ASTN2: variants seen among roughly 807,000 people sequenced by gnomAD.
ASTN2 encodes astrotactin 2.
Under a neutral mutation model 139.8 loss-of-function variants are expected in ASTN2, and 54 were observed. The observed-to-expected ratio is 0.39, with a 90% confidence interval of 0.31 to 0.48. The LOEUF is 0.48. ASTN2 is among the 20% of genes least tolerant of loss of function. The pLI, the probability that ASTN2 is intolerant of heterozygous loss-of-function variation, is 0.95. For missense variants in ASTN2, 1,565 were observed against 1,725.1 expected (o/e 0.91, Z 1.64); for synonymous variants, 756 against 719.5 (o/e 1.05, Z -0.81).
chr9:117,299,532 G>C (rs955836462), intron 1 of ASTN2, among the ~76,000 whole-genome samples: 1 of 152,188 alleles, frequency 6.6e-6, no homozygotes, highest in African/African-American at 2.4e-5. Flanking sequence ...ATGGAGAATT[G>C]GCACAAGGGA....
intron 11 of ASTN2, among the ~76,000 whole-genome samples, chr9:116,839,000 C>T (rs1832105636): frequency 6.6e-6 from 1 of 152,200 alleles, no homozygotes; most frequent in South Asian, 2.1e-4. Context: ...TGAACAATGA[C>T]TTGTTCTCCT....
intron 11 of ASTN2, among the ~76,000 whole-genome samples, chr9:116,824,725 C>A (rs1441790980): frequency 1.3e-5 from 2 of 152,188 alleles, no homozygotes; most frequent in Non-Finnish European, 2.9e-5. Context: ...ATTTGTTACA[C>A]AGCAATAGCT....
intron 1 of ASTN2, among the ~76,000 whole-genome samples, chr9:117,308,357 C>T (rs533784060): frequency 2.6e-5 from 4 of 152,318 alleles, no homozygotes; most frequent in South Asian, 2.1e-4. Context: ...AACACACCCT[C>T]GAGGGACCTA....
intron 8 of ASTN2, 147 bp from the exon 9 acceptor site, chr9:116,976,335 T>C (rs1459495030): frequency 1.5e-6 from 1 of 661,008 alleles, no homozygotes; most frequent in Non-Finnish European, 2.6e-6. Context: ...TATAAAAGAA[T>C]GTCTCCAATT....
At chr9:116,756,856 C>A (rs1419218228) in intron 13 of ASTN2, among the ~76,000 whole-genome samples, 1 of 151,920 alleles carries the variant, frequency 6.6e-6, no homozygotes, top group African/African-American at 2.4e-5. Context: ...CTAAAGGAAA[C>A]TGAGTGGCTT....
intron 11 of ASTN2, among the ~76,000 whole-genome samples, chr9:116,834,486 T>C (rs1217722891): frequency 1.3e-5 from 2 of 152,240 alleles, no homozygotes; most frequent in Non-Finnish European, 2.9e-5. Flanking sequence ...GTTTGATGCA[T>C]AAACATTTAG....
chr9:116,593,486 T>G (rs1233030254), intron 19 of ASTN2, among the ~76,000 whole-genome samples: 2 of 152,242 alleles, frequency 1.3e-5, no homozygotes, highest in Non-Finnish European at 2.9e-5. Flanking sequence ...TTCATTTCAC[T>G]TGTCCAAATT....
Position 117,181,743 on chromosome 9 carries a change from C to A in ASTN2, c.1015+32615G>T, listed in dbSNP as rs192784176. On this transcript the variant is annotated intron_variant, in intron 3 of 22. Coordinates refer to ENST00000313400, the MANE Select transcript of ASTN2 (RefSeq NM_001365068.1). ...GTGTATTAAATAAAGAAATCCATAG[C>A]AAGTACAAAGCATAGCACTTGGATC... is the stretch of plus-strand genomic sequence containing the variant. Among the ~76,000 whole-genome samples the A allele has an allele frequency of 8.4e-4, 128 of 152,274 alleles. 1 individual carries two copies. The highest frequency in any genetic ancestry group is 1.4e-3 in the Non-Finnish European group (94 of 68,024).
intron 5 of ASTN2, among the ~76,000 whole-genome samples, chr9:117,092,854 G>A (rs1194554246): frequency 6.6e-6 from 1 of 152,158 alleles, no homozygotes; most frequent in Non-Finnish European, 1.5e-5. Context: ...AGAGGACTGG[G>A]ATGTTACAGG....
intron 19 of ASTN2, among the ~76,000 whole-genome samples, chr9:116,549,470 TG>T (rs1426775731): frequency 2.6e-5 from 4 of 152,192 alleles, no homozygotes; most frequent in African/African-American, 9.6e-5. Flanking sequence ...TGATCCCAGC[TG>T]GGGCCCCAGG....
At chr9:117,021,851 C>T (rs1016367264) in intron 6 of ASTN2, among the ~76,000 whole-genome samples, 11 of 152,002 alleles carry the variant, frequency 7.2e-5, no homozygotes, top group African/African-American at 1.2e-4. Context: ...AAACTGCACC[C>T]GACACATAAT....
Position 116,425,132 on chromosome 9 carries a change from T to C in ASTN2, c.*719A>G, listed in dbSNP as rs759922598. On this transcript the variant is annotated 3_prime_UTR_variant, in exon 23 of 23. Coordinates refer to ENST00000313400, the MANE Select transcript of ASTN2 (RefSeq NM_001365068.1). ...AAGCTTCTCTGTCTTTAGTTGCATA[T>C]GCTCTGTGACTGGCACAGGGTAGAT... 30 of 175,554 alleles carry C rather than the reference T, an allele frequency of 1.7e-4. No individual in the cohort carries two copies. Among genetic ancestry groups the C allele is most frequent in the Non-Finnish European group, 8.2e-5 (7 of 85,222 alleles). The allele number at this position is 175,554 out of a possible 1,614,324, so 10.9% of individuals were successfully genotyped here. A position where few individuals can be genotyped will look rare whatever the true frequency, so the allele number is the denominator to read the frequency against.
At chr9:116,687,037 T>A (rs1337363584) in intron 16 of ASTN2, 11 of 1,356,628 alleles carry the variant, frequency 8.1e-6, no homozygotes, top group Non-Finnish European at 1.0e-5. Flanking sequence ...TGGAGTCAGA[T>A]ACGCATTCTG....
chr9:117,019,659 C>T (rs1433735997), intron 6 of ASTN2, among the ~76,000 whole-genome samples: 3 of 152,152 alleles, frequency 2.0e-5, no homozygotes, highest in African/African-American at 4.8e-5. Context: ...CTGAGGTCCA[C>T]GTTTCTGGTA....
At chr9:117,309,497 C>A (rs1016769356) in intron 1 of ASTN2, among the ~76,000 whole-genome samples, 3 of 152,206 alleles carry the variant, frequency 2.0e-5, no homozygotes, top group African/African-American at 7.2e-5. Flanking sequence ...TTAAGAATGA[C>A]AACTCTTCAC....
At chr9:117,152,996 T>C (rs1321977889) in intron 3 of ASTN2, among the ~76,000 whole-genome samples, 2 of 152,120 alleles carry the variant, frequency 1.3e-5, no homozygotes, top group Non-Finnish European at 2.9e-5. Flanking sequence ...AGTATCTGCC[T>C]CATTTTTTTA....
chr9:117,054,580 C>G (rs963381700), intron 5 of ASTN2, among the ~76,000 whole-genome samples: 1 of 152,134 alleles, frequency 6.6e-6, no homozygotes, highest in African/African-American at 2.4e-5. Flanking sequence ...TTACCAAGAG[C>G]TGAAGCTTGT....
chr9:116,858,965 G>A (rs1365324680), intron 11 of ASTN2, among the ~76,000 whole-genome samples: 1 of 152,116 alleles, frequency 6.6e-6, no homozygotes, highest in African/African-American at 2.4e-5. Flanking sequence ...GTCTCAATGG[G>A]CTAAAATTTA....
intron 19 of ASTN2, among the ~76,000 whole-genome samples, chr9:116,592,291 C>A (rs1401918114): frequency 6.6e-6 from 1 of 152,028 alleles, no homozygotes; most frequent in East Asian, 1.9e-4. Context: ...GCTGAGGAGG[C>A]CTCAGGAAAC....
Sources: allele counts gnomAD v4.1 joint callset (sites outside exome capture counted in the v4.1 genomes callset), GRCh38; gene constraint gnomAD v4.1.1; transcripts MANE v1.5; gene names NCBI Gene and HGNC (gene_info 2026-07-23, HGNC 2026-07-21).